Variants in NIPA1 observed in about 807,000 individuals in gnomAD.
The protein encoded by NIPA1 is magnesium transporter NIPA1.
In NIPA1, 13 loss-of-function variants were observed where a neutral mutation model predicts 23.9. The observed-to-expected ratio is 0.54, with a 90% CI of 0.35 to 0.87. The LOEUF (loss-of-function observed/expected upper bound fraction) is 0.87, where lower values mean the gene tolerates loss of function less well. NIPA1 is among the 40% of genes least tolerant of loss of function. The pLI is 0.01. For synonymous variants in NIPA1, 234 were observed against 202.9 expected (o/e 1.15, Z -1.30); for missense variants, 362 against 429.7 (o/e 0.84, Z 1.39).
intron 3 of NIPA1, 100 bp downstream of exon 3, chr15:22,812,353 T>C (rs1827573370): frequency 2.3e-6 from 2 of 864,810 alleles, no homozygotes; most frequent in Admixed American, 2.0e-5. Flanking sequence ...AAAATTGTAA[T>C]AGAAGATAGA....
In NIPA1 at chr15:22,786,799, T is replaced by C; in HGVS notation, c.143T>C (p.Leu48Pro). Residue 48 changes from leucine to proline, a missense_variant, in exon 1 of 5, where the codon CTA becomes CCA. By Grantham distance (98) the Leu-to-Pro change is moderately conservative. Transcript: ENST00000337435. ...CTGGTGAACGGGTCCACGTTCGTGC[T>C]ACAGAAGAAGGGCATCGTGCGTGCC... ...SSLVNGSTFV[L>P]QKKGIVRAKR... is the part of the protein sequence containing the mutation. 1 of 1,287,256 alleles carries C rather than the reference T, an allele frequency of 7.8e-7. No homozygotes were observed. Among genetic ancestry groups the C allele is most frequent in the South Asian group, 1.5e-5 (1 of 66,528 alleles). The allele number at this position is 1,287,256 out of a possible 1,614,324, so 79.7% of individuals were successfully genotyped here. A position where few individuals can be genotyped will look rare whatever the true frequency, so the allele number is the denominator to read the frequency against.
At chr15:22,816,819 A>G (rs1895429058) in intron 3 of NIPA1, among the ~76,000 whole-genome samples, 1 of 151,890 alleles carries the variant, frequency 6.6e-6, no homozygotes, top group Admixed American at 6.6e-5. Flanking sequence ...AGAGAGTCCT[A>G]AAGAATCACT....
At chr15:22,817,639 AAAAG>A (rs1895452990) in intron 3 of NIPA1, among the ~76,000 whole-genome samples, 2 of 151,644 alleles carry the variant, frequency 1.3e-5, no homozygotes, top group Admixed American at 1.3e-4. Flanking sequence ...CATCTCTACT[AAAAG>A]AAATACAAAA....
At position 22,826,611 on chromosome 15, in the gene NIPA1, C is replaced by T. The variant is rs1895658386; in HGVS notation, c.*2372C>T. ...AGTTTAAAGGCAGCTCTTGGTGTAC[C>T]TTAGTATATTTTAATCCACAATTAT... is the stretch of plus-strand genomic sequence containing the variant. On this transcript the variant is annotated 3_prime_UTR_variant, in exon 5 of 5. Transcript: ENST00000337435. 1 of 152,030 alleles carries T rather than the reference C, an allele frequency of 6.6e-6. No individual in the cohort carries two copies. Among genetic ancestry groups the T allele is most frequent in the South Asian group, 2.1e-4 (1 of 4,814 alleles). The allele number at this position is 152,030 out of a possible 1,614,324, so 9.4% of individuals were successfully genotyped here. A position where few individuals can be genotyped will look rare whatever the true frequency, so the allele number is the denominator to read the frequency against.
intron 1 of NIPA1, among the ~76,000 whole-genome samples, chr15:22,808,047 G>A (rs760228436): frequency 1.8e-4 from 27 of 151,874 alleles, no homozygotes; most frequent in Non-Finnish European, 2.9e-4. Context: ...CTTCGGCCTC[G>A]CAAAGTGCTG....
intron 1 of NIPA1, among the ~76,000 whole-genome samples, chr15:22,795,513 T>G (rs1894922401): frequency 6.6e-6 from 1 of 152,164 alleles, no homozygotes; most frequent in Non-Finnish European, 1.5e-5. Context: ...TGAGCATTGC[T>G]GTCTCTGCTC....
rs1353206307 is a variant in NIPA1, at chr15:22,826,556, T to C, written c.*2317T>C. 1 of 152,206 alleles carries C rather than the reference T, an allele frequency of 6.6e-6. No homozygotes were observed. The highest frequency in any genetic ancestry group is 1.5e-5 in the Non-Finnish European group (1 of 68,030). 9.4% of individuals were successfully genotyped at this position (152,206 alleles called of 1,614,324 possible). On this transcript the variant is annotated 3_prime_UTR_variant, in exon 5 of 5. Coordinates refer to ENST00000337435, the MANE Select transcript of NIPA1 (RefSeq NM_144599.5). ...ATGTGTCACATGAAAATGATCATGT[T>C]TGTGTTGCTACAGCTTTTGTGGGAA...
chr15:22,792,914 A>G (rs899288516), intron 1 of NIPA1, among the ~76,000 whole-genome samples: 1 of 152,022 alleles, frequency 6.6e-6, no homozygotes. Flanking sequence ...AGATTGCGCC[A>G]TTGCGCTCCA....
intron 1 of NIPA1, among the ~76,000 whole-genome samples, chr15:22,802,355 G>T (rs1364979723): frequency 4.3e-5 from 6 of 139,186 alleles, no homozygotes; most frequent in Non-Finnish European, 9.0e-5. Flanking sequence ...TCACGCCACT[G>T]CCCTTCAACC....
rs775960315 is a variant in NIPA1, at chr15:22,823,976, G to T, written c.727G>T (p.Val243Phe). 6.2e-7 allele frequency: 1 copy of T among 1,614,174 alleles called. No homozygotes were observed. The highest frequency in any genetic ancestry group is 1.1e-5 in the South Asian group (1 of 91,084). ...GGCCGTGCTCGGCTGCAGCATCATC[G>T]TCCAGTTCAGGTACATCAACAAGGC... is the stretch of plus-strand genomic sequence containing the variant. ...LLAVLGCSII[V>F]QFRYINKALE... is the part of the protein sequence containing the mutation. Residue 243 changes from valine to phenylalanine, a missense_variant, in exon 5 of 5, where the codon GTC becomes TTC. Around this residue, in one of 2 missense-constraint regions of NIPA1, gnomAD observed 277 missense variants for 372.0 expected, o/e 0.74. Coordinates refer to ENST00000337435, the MANE Select transcript of NIPA1 (RefSeq NM_144599.5).
At chr15:22,808,573 A>C (rs1308737480) in intron 1 of NIPA1, among the ~76,000 whole-genome samples, 1 of 152,228 alleles carries the variant, frequency 6.6e-6, no homozygotes, top group African/African-American at 2.4e-5. Context: ...TTAATAAGAA[A>C]AACCCATGGA....
chr15:22,790,717 A>G (rs1450383632), intron 1 of NIPA1, among the ~76,000 whole-genome samples: 1 of 152,108 alleles, frequency 6.6e-6, no homozygotes, highest in Non-Finnish European at 1.5e-5. Context: ...CTTGGCCTTG[A>G]TGAAGCTCTT....
intron 1 of NIPA1, among the ~76,000 whole-genome samples, chr15:22,789,511 G>A (rs1205204488): frequency 1.3e-5 from 2 of 152,150 alleles, no homozygotes; most frequent in Admixed American, 1.3e-4. Context: ...GCGGGGCAGA[G>A]TCACTTACGG....
At chr15:22,790,436 T>G (rs1301097220) in intron 1 of NIPA1, among the ~76,000 whole-genome samples, 1 of 151,572 alleles carries the variant, frequency 6.6e-6, no homozygotes, top group Non-Finnish European at 1.5e-5. Context: ...TTTTTTTTTT[T>G]TTGAGACGGA....
At chr15:22,798,401 A>T (rs1275557212) in intron 1 of NIPA1, among the ~76,000 whole-genome samples, 1 of 145,930 alleles carries the variant, frequency 6.9e-6, no homozygotes, top group Admixed American at 6.9e-5. Context: ...CACCATGCCC[A>T]GCTAATTTTT....
At position 22,791,475 on chromosome 15, in the gene NIPA1, C is replaced by CTTTTTTTT. The variant is rs11428709; in HGVS notation, c.178+4658_178+4665dup. Among the ~76,000 whole-genome samples the CTTTTTTTT allele has an allele frequency of 1.1e-3, 20 of 18,066 alleles. 1 individual carries two copies. Among genetic ancestry groups the CTTTTTTTT allele is most frequent in the Middle Eastern group, 0.031 (1 of 32 alleles). 11.9% of individuals were successfully genotyped at this position (18,066 alleles called of 152,430 possible). ...ATTTGAGGCATGGCTTCCTCTTTCA[C>CTTTTTTTT]TTTTTTTTTTTTTTTTTTTTTTTTG... On this transcript the variant is annotated intron_variant, in intron 1 of 4. Coordinates refer to ENST00000337435, the MANE Select transcript of NIPA1 (RefSeq NM_144599.5).
rs191793864 is a variant in NIPA1, at chr15:22,817,448, G to A, written c.318-2865G>A. On this transcript the variant is annotated intron_variant, in intron 3 of 4. Coordinates refer to ENST00000337435, the MANE Select transcript of NIPA1 (RefSeq NM_144599.5). ...CAGTAGGCAGAGGTTGCAGTGAGCCGAGATCGGGCCATTGCACTCCAGCCT... is the reference window on the plus strand; with the variant it reads ...CAGTAGGCAGAGGTTGCAGTGAGCCAAGATCGGGCCATTGCACTCCAGCCT... Among the ~76,000 whole-genome samples, 19 of 149,512 alleles carry A rather than the reference G, an allele frequency of 1.3e-4. No homozygotes were observed. The East Asian group carries it at 1.4e-3, about 11-fold the overall frequency.
At position 22,800,126 on chromosome 15, in the gene NIPA1, C is replaced by T. The variant is rs74777215; in HGVS notation, c.179-10623C>T. ...CCAAACCCCAGCATTGCACAATATACGCAAAGAACAAACCTGCCCATGGTC... is the reference window on the plus strand; with the variant it reads ...CCAAACCCCAGCATTGCACAATATATGCAAAGAACAAACCTGCCCATGGTC... On this transcript the variant is annotated intron_variant, in intron 1 of 4. Transcript: ENST00000337435. 7.1e-3 allele frequency among the ~76,000 whole-genome samples: 1,083 copies of T among 151,930 alleles called. 19 individuals are homozygous for T. The highest frequency in any genetic ancestry group is 0.055 in the East Asian group (284 of 5,152).
chr15:22,809,950 G>A (rs897867617), intron 1 of NIPA1, among the ~76,000 whole-genome samples: 2 of 152,152 alleles, frequency 1.3e-5, no homozygotes, highest in African/African-American at 4.8e-5. Flanking sequence ...GGGTGAGGCA[G>A]GAGAATCGCT....
Sources: allele counts gnomAD v4.1 joint callset (sites outside exome capture counted in the v4.1 genomes callset), GRCh38; gene constraint gnomAD v4.1.1; regional missense constraint gnomAD v4.1.1; transcripts MANE v1.5; gene names NCBI Gene and HGNC (gene_info 2026-07-23, HGNC 2026-07-21).